The following NEGR1 variants were observed in gnomAD, a reference collection of about 807,000 sequenced individuals.
NEGR1 encodes the protein neuronal growth regulator 1.
In NEGR1, 10 loss-of-function variants were observed where a neutral mutation model predicts 40.9. The ratio of observed to expected loss-of-function variants is 0.24; its 90% CI spans 0.15 to 0.42. The LOEUF is 0.42. Among genes scored for constraint, NEGR1 ranks in the 10% least tolerant of loss-of-function variants. The probability of loss-of-function intolerance (pLI) is 1.00; values close to 1 mark genes in which losing one functional copy is unlikely to be tolerated. For synonymous variants in NEGR1, 185 were observed against 166.8 expected, an observed-to-expected ratio of 1.11 and a Z score of -0.84; for missense variants, 352 against 438.9, an observed-to-expected ratio of 0.80 and a Z score of 1.77.
At chr1:72,160,453 C>T (rs996845140) in intron 1 of NEGR1, among the ~76,000 whole-genome samples, 2 of 152,014 alleles carry the variant, frequency 1.3e-5, no homozygotes, top group Non-Finnish European at 2.9e-5. Flanking sequence ...TATTATATTT[C>T]AGGAATTGTA....
chr1:71,683,769 T>C (rs1652919536), intron 4 of NEGR1, among the ~76,000 whole-genome samples: 1 of 71,622 alleles, frequency 1.4e-5, no homozygotes, highest in South Asian at 7.4e-4. Context: ...AAAAGTTACT[T>C]AGGATTTTTT....
chr1:71,499,811 T>A (rs1466674841), intron 6 of NEGR1, among the ~76,000 whole-genome samples: 4 of 151,902 alleles, frequency 2.6e-5, no homozygotes, highest in Non-Finnish European at 4.4e-5. Context: ...ACCCACAAAA[T>A]AAAATCTGTA....
At chr1:71,903,971 T>G (rs760110759) in intron 2 of NEGR1, among the ~76,000 whole-genome samples, 3 of 151,996 alleles carry the variant, frequency 2.0e-5, no homozygotes, top group Non-Finnish European at 4.4e-5. Flanking sequence ...TTTCATTCAA[T>G]AACAATTGAT....
intron 4 of NEGR1, among the ~76,000 whole-genome samples, chr1:71,681,894 T>G (rs1165786305): frequency 6.6e-6 from 1 of 152,208 alleles, no homozygotes; most frequent in African/African-American, 2.4e-5. Flanking sequence ...TGGTGTGATC[T>G]CAGCTCACTG....
At chr1:72,036,344 C>G (rs898908802) in intron 1 of NEGR1, among the ~76,000 whole-genome samples, 38 of 151,916 alleles carry the variant, frequency 2.5e-4, no homozygotes, top group Non-Finnish European at 4.6e-4. Flanking sequence ...AAAATGTGCA[C>G]ACTACAAAGG....
rs1278876976 is a variant in NEGR1, at chr1:72,040,922, A to T, written c.177-105611T>A. Among the ~76,000 whole-genome samples the T allele has an allele frequency of 2.0e-5, 3 of 152,092 alleles. No homozygotes were observed. In the East Asian group the frequency reaches 5.8e-4, roughly 29 times the overall value. On this transcript the variant is annotated intron_variant, in intron 1 of 6. Transcript: ENST00000357731. ...CACCAAAAACTATGAGTTAAGGTAGACCCAATCAGAAGCACTCTATCCCTC... is the reference window on the plus strand; with the variant it reads ...CACCAAAAACTATGAGTTAAGGTAGTCCCAATCAGAAGCACTCTATCCCTC...
At chr1:71,797,576 A>C (rs1440125502) in intron 2 of NEGR1, among the ~76,000 whole-genome samples, 2 of 152,222 alleles carry the variant, frequency 1.3e-5, no homozygotes, top group Non-Finnish European at 2.9e-5. Flanking sequence ...GAAAATGTAT[A>C]AGATAATAAA....
chr1:72,094,432 C>A (rs918440883), intron 1 of NEGR1, among the ~76,000 whole-genome samples: 6 of 152,124 alleles, frequency 3.9e-5, no homozygotes, highest in Admixed American at 6.6e-5. Context: ...TCTCTGTGTT[C>A]TTGAAAACTG....
chr1:72,082,335 G>A (rs1648037040), intron 1 of NEGR1, among the ~76,000 whole-genome samples: 1 of 152,048 alleles, frequency 6.6e-6, no homozygotes, highest in Non-Finnish European at 1.5e-5. Context: ...GACAGTAAGG[G>A]ATGACATTAA....
chr1:71,866,125 A>C (rs1367335501), intron 2 of NEGR1, among the ~76,000 whole-genome samples: 1 of 152,092 alleles, frequency 6.6e-6, no homozygotes, highest in Admixed American at 6.6e-5. Flanking sequence ...CCTTTACTTA[A>C]AGGAAATAAT....
intron 1 of NEGR1, among the ~76,000 whole-genome samples, chr1:72,016,566 T>C (rs576874029): frequency 1.3e-5 from 2 of 152,276 alleles, no homozygotes. Flanking sequence ...ACTTGCATGA[T>C]TAAGGTAACC....
chr1:71,517,527 C>A (rs1331715853), intron 6 of NEGR1, among the ~76,000 whole-genome samples: 3 of 137,224 alleles, frequency 2.2e-5, no homozygotes, highest in African/African-American at 8.9e-5. Flanking sequence ...AATTCAACAA[C>A]CCTTCATGCT....
At chr1:71,950,835 C>A (rs1408791073) in intron 1 of NEGR1, among the ~76,000 whole-genome samples, 1 of 151,968 alleles carries the variant, frequency 6.6e-6, no homozygotes, top group Non-Finnish European at 1.5e-5. Flanking sequence ...TCCTGACTCG[C>A]TTCTGATGCA....
At chr1:71,692,187 A>C (rs954716803) in intron 4 of NEGR1, among the ~76,000 whole-genome samples, 1 of 151,802 alleles carries the variant, frequency 6.6e-6, no homozygotes, top group Non-Finnish European at 1.5e-5. Context: ...AGATGTACCA[A>C]AGTGTATCAT....
At chr1:71,600,656 C>T (rs1649886877) in intron 5 of NEGR1, among the ~76,000 whole-genome samples, 1 of 152,118 alleles carries the variant, frequency 6.6e-6, no homozygotes, top group African/African-American at 2.4e-5. Context: ...AGCCACAGCT[C>T]CTGTTGTGTG....
At chr1:71,822,949 A>G (rs894960108) in intron 2 of NEGR1, among the ~76,000 whole-genome samples, 17 of 152,054 alleles carry the variant, frequency 1.1e-4, no homozygotes, top group Non-Finnish European at 1.8e-4. Flanking sequence ...GATTGCAGGC[A>G]ATAGTCTGAG....
chr1:71,778,247 TG>T (rs1656580093), intron 2 of NEGR1, among the ~76,000 whole-genome samples: 1 of 152,076 alleles, frequency 6.6e-6, no homozygotes, highest in South Asian at 2.1e-4. Flanking sequence ...TCAATTATAA[TG>T]TTTTTACTTT....
rs917501357 is a variant in NEGR1, at chr1:71,423,827, C to T, written c.941-16257G>A. 3.3e-5 allele frequency among the ~76,000 whole-genome samples: 5 copies of T among 149,538 alleles called. No homozygotes were observed. In the Admixed American group the frequency reaches 3.4e-4, roughly 10 times the overall value. ...ATGACCAACTCCTCCTCACCCACCC[C>T]CCCTTTTTTTTTTTTCAAAATTAGT... On this transcript the variant is annotated intron_variant, in intron 6 of 6. Transcript: ENST00000357731.
intron 1 of NEGR1, among the ~76,000 whole-genome samples, chr1:71,972,741 A>T (rs938501001): frequency 6.6e-6 from 1 of 152,126 alleles, no homozygotes; most frequent in Admixed American, 6.6e-5. Flanking sequence ...TTATTTTGAT[A>T]CAGCTGAACT....
Sources: gnomAD v4.1 joint callset for allele counts (sites outside exome capture counted in the v4.1 genomes callset) on GRCh38, gnomAD v4.1.1 for gene constraint, MANE v1.5 for transcripts, NCBI Gene and HGNC (gene_info 2026-07-23, HGNC 2026-07-21) for gene names.